PLPP3: variants seen among roughly 807,000 people sequenced by gnomAD.
PLPP3 encodes PAP2 beta.
Under a neutral mutation model 29.6 loss-of-function variants are expected in PLPP3, and 6 were observed. The ratio of observed to expected loss-of-function variants is 0.20; its 90% confidence interval spans 0.11 to 0.40. The LOEUF (loss-of-function observed/expected upper bound fraction) is 0.40, where lower values mean the gene tolerates loss of function less well. PLPP3 is among the 10% of genes least tolerant of loss of function. The pLI is 1.00. For missense variants in PLPP3, 308 were observed against 407.7 expected, an observed-to-expected ratio of 0.76 and a Z score of 2.11; for synonymous variants, 152 against 159.7, an observed-to-expected ratio of 0.95 and a Z score of 0.36.
intron 1 of PLPP3, chr1:56,538,958 G>GCAAAAAAAAAAAAAAAAAAAA (rs1372930114): frequency 2.5e-5 from 1 of 39,742 alleles, no homozygotes; most frequent in South Asian, 7.7e-4. Flanking sequence ...CTTCTGGGCT[G>GCAAAAAAAAAAAAAAAAAAAA]CAAAAAAAAA....
chr1:56,555,433 TAAAAAAA>T (rs66593221), intron 1 of PLPP3, among the ~76,000 whole-genome samples: 1 of 33,214 alleles, frequency 3.0e-5, no homozygotes, highest in Admixed American at 3.3e-4. Flanking sequence ...GGCCAAACAC[TAAAAAAA>T]AAAAAAAAAA....
At chr1:56,518,645 T>C (rs1569873553) in intron 4 of PLPP3, among the ~76,000 whole-genome samples, 1 of 151,174 alleles carries the variant, frequency 6.6e-6, no homozygotes, top group Non-Finnish European at 1.5e-5. Flanking sequence ...TTTTGGGAAG[T>C]AGGATATAGT....
chr1:56,554,595 A>G (rs1200095081), intron 1 of PLPP3, among the ~76,000 whole-genome samples: 2 of 151,696 alleles, frequency 1.3e-5, no homozygotes, highest in Non-Finnish European at 2.9e-5. Context: ...AAAGAAATAC[A>G]GTGTCATATA....
intron 1 of PLPP3, among the ~76,000 whole-genome samples, chr1:56,555,464 A>AAAAAAAAAAAAAAC (rs1557512872): frequency 6.7e-6 from 1 of 149,452 alleles, no homozygotes; most frequent in African/African-American, 2.5e-5. Context: ...AAAAAAACAA[A>AAAAAAAAAAAAAAC]AAACAAACAA....
chr1:56,522,642 T>C (rs561695554), intron 4 of PLPP3, among the ~76,000 whole-genome samples: 51 of 152,116 alleles, frequency 3.4e-4, no homozygotes, highest in Non-Finnish European at 4.6e-4. Context: ...GTTGGCTTAG[T>C]TTAGAGGCCT....
At chr1:56,576,552 G>C (rs368513718) in intron 1 of PLPP3, among the ~76,000 whole-genome samples, 1 of 152,118 alleles carries the variant, frequency 6.6e-6, no homozygotes, top group South Asian at 2.1e-4. Flanking sequence ...CTGTGCTCAG[G>C]GGAAACATTG....
At chr1:56,535,773 G>A (rs1457632499) in intron 2 of PLPP3, among the ~76,000 whole-genome samples, 1 of 152,090 alleles carries the variant, frequency 6.6e-6, no homozygotes, top group Non-Finnish European at 1.5e-5. Flanking sequence ...GCCCATCCTG[G>A]GGCCAGGTCA....
At chr1:56,514,875 A>AT (rs1391773524) in intron 4 of PLPP3, among the ~76,000 whole-genome samples, 2 of 152,196 alleles carry the variant, frequency 1.3e-5, no homozygotes, top group African/African-American at 4.8e-5. Context: ...TATAGGCCAA[A>AT]GACTACTCCC....
chr1:56,570,644 C>T (rs1447286342), intron 1 of PLPP3, among the ~76,000 whole-genome samples: 1 of 152,198 alleles, frequency 6.6e-6, no homozygotes, highest in Non-Finnish European at 1.5e-5. Flanking sequence ...AATGTTGGCA[C>T]TGACAATGCG....
chr1:56,516,585 T>C (rs945182332), intron 4 of PLPP3, among the ~76,000 whole-genome samples: 1 of 152,132 alleles, frequency 6.6e-6, no homozygotes, highest in Non-Finnish European at 1.5e-5. Context: ...CTTATCTGCA[T>C]TCACTTCCTC....
In PLPP3 at chr1:56,579,106, A is replaced by T; in HGVS notation, c.-90T>A. The stretch of plus-strand genomic sequence containing the variant: ...AGGCGCCCGGGTCGCCTCCTGGCCG[A>T]GGCTGCTGCGGATAGTGGCGGGTCG... On this transcript the variant is annotated 5_prime_UTR_variant, in exon 1 of 6. Transcript: ENST00000371250. 6.5e-7 allele frequency: 1 copy of T among 1,533,624 alleles called. No homozygotes were observed. The highest frequency in any genetic ancestry group is 8.7e-7 in the Non-Finnish European group (1 of 1,149,034).
Position 56,495,283 on chromosome 1 carries a change from C to A in PLPP3, c.*1268G>T, listed in dbSNP as rs1345240230. ...ATCCAAGATCTAAACGCATTTCTTCCTTCCTCCTTTCCTCAAAGGTTCAGT... is the reference window on the plus strand; with the variant it reads ...ATCCAAGATCTAAACGCATTTCTTCATTCCTCCTTTCCTCAAAGGTTCAGT... On this transcript the variant is annotated 3_prime_UTR_variant, in exon 6 of 6. Transcript: ENST00000371250. The A allele has an allele frequency of 6.6e-6, 1 of 152,624 alleles. No individual in the cohort carries two copies. The highest frequency in any genetic ancestry group is 1.5e-5 in the Non-Finnish European group (1 of 68,048). 9.5% of individuals were successfully genotyped at this position (152,624 alleles called of 1,614,324 possible).
intron 1 of PLPP3, chr1:56,538,345 C>T (rs376357639): frequency 2.8e-4 from 70 of 245,716 alleles, no homozygotes; most frequent in African/African-American, 1.2e-3. Flanking sequence ...AATGACACTT[C>T]GCAAAGTAAA....
chr1:56,502,778 C>A (rs1190068651), intron 5 of PLPP3, among the ~76,000 whole-genome samples: 5 of 152,208 alleles, frequency 3.3e-5, no homozygotes, highest in African/African-American at 4.8e-5. Context: ...CCCTTCTAGA[C>A]TGAGCTAGCT....
At chr1:56,568,338 C>T (rs1569609360) in intron 1 of PLPP3, among the ~76,000 whole-genome samples, 2 of 152,240 alleles carry the variant, frequency 1.3e-5, no homozygotes, top group South Asian at 4.1e-4. Context: ...CTCAATAAAG[C>T]TCTTTGAATA....
chr1:56,503,917 A>G (rs1399078358), intron 5 of PLPP3, among the ~76,000 whole-genome samples: 2 of 152,086 alleles, frequency 1.3e-5, no homozygotes, highest in African/African-American at 4.8e-5. Flanking sequence ...AGCTGGGATT[A>G]CAGGTGTGCA....
intron 1 of PLPP3, among the ~76,000 whole-genome samples, chr1:56,540,072 T>G (rs1380327149): frequency 6.6e-6 from 1 of 152,164 alleles, no homozygotes; most frequent in African/African-American, 2.4e-5. Context: ...AAAAGAGTTT[T>G]GGAGTTAGAC....
intron 4 of PLPP3, chr1:56,513,444 A>C (rs1645759254): frequency 6.6e-6 from 1 of 152,662 alleles, no homozygotes; most frequent in Non-Finnish European, 1.5e-5. Flanking sequence ...CTGATGGCCT[A>C]AAGATAGACC....
intron 1 of PLPP3, among the ~76,000 whole-genome samples, chr1:56,556,348 A>G (rs1055664856): frequency 4.6e-5 from 7 of 152,250 alleles, no homozygotes; most frequent in Non-Finnish European, 7.3e-5. Flanking sequence ...ATACTTAATT[A>G]TGAATGATGT....
Sources: allele counts gnomAD v4.1 joint callset (sites outside exome capture counted in the v4.1 genomes callset), GRCh38; gene constraint gnomAD v4.1.1; transcripts MANE v1.5; gene names NCBI Gene and HGNC (gene_info 2026-07-23, HGNC 2026-07-21).